TTC7B: variants seen among roughly 807,000 people sequenced by gnomAD.
The protein encoded by TTC7B is tetratricopeptide repeat protein 7B.
A neutral mutation model predicts 106.8 loss-of-function variants in TTC7B; 28 were observed. The ratio of observed to expected loss-of-function variants is 0.26; its 90% CI spans 0.19 to 0.36. The LOEUF (loss-of-function observed/expected upper bound fraction) is 0.36, where lower values mean the gene tolerates loss of function less well. Among genes scored for constraint, TTC7B ranks in the 10% least tolerant of loss-of-function variants. The pLI is 1.00. For synonymous variants in TTC7B, 405 were observed against 430.6 expected (o/e 0.94, Z 0.74); for missense variants, 862 against 1,076.4 (o/e 0.80, Z 2.79).
At chr14:90,671,585 C>T (rs1595266955) in intron 9 of TTC7B, among the ~76,000 whole-genome samples, 1 of 152,194 alleles carries the variant, frequency 6.6e-6, no homozygotes, top group Non-Finnish European at 1.5e-5. Flanking sequence ...ACTAGTGCTG[C>T]TGTTTAAAAT....
chr14:90,637,448 A>C (rs1005782895), intron 15 of TTC7B, among the ~76,000 whole-genome samples: 2 of 152,100 alleles, frequency 1.3e-5, no homozygotes, highest in African/African-American at 4.8e-5. Context: ...ATTCTACCAA[A>C]ACTTAATATT....
rs1055605207 is a variant in TTC7B at position 90,534,328 on chromosome 14, C to T, written c.*7040G>A. The T allele has an allele frequency of 2.6e-5, 4 of 152,342 alleles. No individual in the cohort carries two copies. Among genetic ancestry groups the T allele is most frequent in the African/African-American group, 9.6e-5 (4 of 41,508 alleles). 9.4% of individuals were successfully genotyped at this position (152,342 alleles called of 1,614,324 possible). A position where few individuals can be genotyped will look rare whatever the true frequency, so the allele number is the denominator to read the frequency against. On this transcript the variant is annotated 3_prime_UTR_variant, in exon 20 of 20. Transcript: ENST00000328459. ...AGCCCTAAGGCTCAGCCCTGGGGCT[C>T]GGCCCATTTTCCTGTGTGGGGTCCT...
At chr14:90,697,301 G>A (rs1053404664) in intron 5 of TTC7B, 3 of 147,054 alleles carry the variant, frequency 2.0e-5, no homozygotes, top group Non-Finnish European at 4.4e-5. Context: ...GACAGTTACA[G>A]AAGCACAGAA....
intron 17 of TTC7B, chr14:90,605,625 G>A (rs1429444616): frequency 1.0e-5 from 13 of 1,287,422 alleles, no homozygotes; most frequent in African/African-American, 9.1e-5. Context: ...GGGGACCTGC[G>A]TCACTGAATG....
intron 19 of TTC7B, among the ~76,000 whole-genome samples, chr14:90,545,925 G>A (rs186723859): frequency 5.2e-4 from 79 of 152,330 alleles, no homozygotes; most frequent in Admixed American, 1.5e-3. Context: ...TAGTCCTAAC[G>A]TAGGAACTGC....
chr14:90,707,329 C>T (rs1340698779), intron 5 of TTC7B, among the ~76,000 whole-genome samples: 1 of 152,228 alleles, frequency 6.6e-6, no homozygotes, highest in Non-Finnish European at 1.5e-5. Flanking sequence ...ATCTCTCTCC[C>T]TTTCCTTGGT....
At chr14:90,602,093 G>C in intron 17 of TTC7B, 1 of 455,976 alleles carries the variant, frequency 2.2e-6, no homozygotes, top group Admixed American at 2.3e-5. Context: ...CAACTCTTAA[G>C]GGTGAGGGGC....
rs1891384183 is a variant in TTC7B, at chr14:90,786,241, C to T, written c.209G>A (p.Gly70Asp). The T allele has an allele frequency of 6.2e-7, 1 of 1,608,950 alleles. No individual in the cohort carries two copies. Among genetic ancestry groups the T allele is most frequent in the Non-Finnish European group, 8.5e-7 (1 of 1,177,848 alleles). The change falls in exon 2 of 20, where the codon GGC becomes GAC. Residue 70 changes from glycine (G) to aspartate (D), a missense_variant. Coordinates refer to ENST00000328459, the MANE Select transcript of TTC7B (RefSeq NM_001010854.2). Reference protein sequence around the residue: ...HPLRQGASPRGPKPQLTEVRK... With the variant: ...HPLRQGASPRDPKPQLTEVRK... ...GACCTCAGTCAGCTGGGGCTTGGGGCCTCGGGGACTGGCCCCCTGCCTCAG... is the reference window on the plus strand; with the variant it reads ...GACCTCAGTCAGCTGGGGCTTGGGGTCTCGGGGACTGGCCCCCTGCCTCAG...
intron 4 of TTC7B, 87 bp from the exon 5 acceptor site, chr14:90,730,283 C>G: frequency 6.8e-7 from 1 of 1,475,392 alleles, no homozygotes; most frequent in South Asian, 1.4e-5. Context: ...ACTGCTCGAC[C>G]TAAAAAACCA....
chr14:90,716,677 C>G (rs1368501123), intron 5 of TTC7B, among the ~76,000 whole-genome samples: 2 of 152,172 alleles, frequency 1.3e-5, no homozygotes, highest in African/African-American at 4.8e-5. Context: ...TTAAAAAGAT[C>G]TGTAATTCAG....
intron 11 of TTC7B, among the ~76,000 whole-genome samples, chr14:90,655,599 A>G (rs1408461608): frequency 6.6e-6 from 1 of 152,190 alleles, no homozygotes; most frequent in Non-Finnish European, 1.5e-5. Flanking sequence ...CTTATTTTAC[A>G]AACCACAACA....
chr14:90,655,914 C>T (rs1204172546), intron 11 of TTC7B, among the ~76,000 whole-genome samples: 1 of 151,732 alleles, frequency 6.6e-6, no homozygotes, highest in Non-Finnish European at 1.5e-5. Context: ...GTATATGTTA[C>T]AGTAATAAAT....
chr14:90,599,776 C>T (rs779983486), intron 17 of TTC7B, among the ~76,000 whole-genome samples: 1 of 152,196 alleles, frequency 6.6e-6, no homozygotes, highest in African/African-American at 2.4e-5. Flanking sequence ...TCCCTTGACC[C>T]TGAAATGATT....
chr14:90,577,725 C>T lies in TTC7B; in HGVS notation c.2310+381G>A, dbSNP rs1047385995. Among the ~76,000 whole-genome samples the T allele has an allele frequency of 2.6e-4, 40 of 152,310 alleles. No homozygotes were observed. The highest frequency in any genetic ancestry group is 8.9e-4 in the African/African-American group (37 of 41,566). On this transcript the variant is annotated intron_variant, in intron 19 of 19. Transcript: ENST00000328459. This position sits in a 1 kb window ranked among gnomAD's most constrained non-coding sequence, Gnocchi z 5.0. ...TCTGACTGTCATCCTGAAGTCTCCC[C>T]GGGATGTGGAAACCCCCGAAGGTGG...
chr14:90,650,527 C>T (rs1247461482), intron 13 of TTC7B, among the ~76,000 whole-genome samples: 1 of 152,148 alleles, frequency 6.6e-6, no homozygotes, highest in African/African-American at 2.4e-5. Context: ...TCATACCACA[C>T]TTAAACTCAA....
At chr14:90,548,916 A>C (rs1325434650) in intron 19 of TTC7B, among the ~76,000 whole-genome samples, 1 of 152,156 alleles carries the variant, frequency 6.6e-6, no homozygotes, top group Non-Finnish European at 1.5e-5. Flanking sequence ...TCACAAGGTC[A>C]GGAGATCGAG....
intron 4 of TTC7B, among the ~76,000 whole-genome samples, chr14:90,739,250 C>T (rs1278682228): frequency 6.6e-6 from 1 of 152,218 alleles, no homozygotes; most frequent in Non-Finnish European, 1.5e-5. Context: ...AAGCTATGAA[C>T]TGTCCCCTTC....
chr14:90,631,658 A>C (rs551194224), intron 15 of TTC7B, among the ~76,000 whole-genome samples: 1 of 151,844 alleles, frequency 6.6e-6, no homozygotes, highest in East Asian at 1.9e-4. Context: ...TGCCCATCTC[A>C]GCCTCCCAAA....
At chr14:90,716,960 G>A (rs1240927932) in intron 5 of TTC7B, among the ~76,000 whole-genome samples, 1 of 152,142 alleles carries the variant, frequency 6.6e-6, no homozygotes, top group East Asian at 1.9e-4. Context: ...CAGACCTGGA[G>A]AACCATCACC....
Sources: gnomAD v4.1 joint callset for allele counts (sites outside exome capture counted in the v4.1 genomes callset) on GRCh38, gnomAD v4.1.1 for gene constraint, Gnocchi (gnomAD v3.1) non-coding constraint, MANE v1.5 for transcripts, NCBI Gene and HGNC (gene_info 2026-07-23, HGNC 2026-07-21) for gene names.